The following C9orf85 variants were observed in gnomAD, a reference collection of about 807,000 sequenced individuals.
C9orf85 encodes the protein uncharacterized protein C9orf85.
In C9orf85, 16 loss-of-function variants were observed where a neutral mutation model predicts 14.9. The ratio of observed to expected loss-of-function variants is 1.08; its 90% CI spans 0.73 to 1.63. The LOEUF (loss-of-function observed/expected upper bound fraction) is 1.63. Ranked by LOEUF, C9orf85 falls within the 40% of genes most tolerant of loss-of-function variation. C9orf85 has a pLI of 0.00. For missense variants in C9orf85, 172 were observed against 186.1 expected (o/e 0.92, Z 0.44); for synonymous variants, 45 against 56.8 (o/e 0.79, Z 0.93).
chr9:71,958,196 G>C (rs1029109672), intron 2 of C9orf85, among the ~76,000 whole-genome samples: 5 of 149,046 alleles, frequency 3.4e-5, no homozygotes, highest in African/African-American at 1.2e-4. Context: ...CTGGCCTAAG[G>C]AGGTAATTGA....
At chr9:71,940,735 TAAGATA>T (rs1464673223) in intron 1 of C9orf85, among the ~76,000 whole-genome samples, 1 of 152,160 alleles carries the variant, frequency 6.6e-6, no homozygotes, top group African/African-American at 2.4e-5. Flanking sequence ...GTAATTAACC[TAAGATA>T]AATAATATGT....
intron 1 of C9orf85, among the ~76,000 whole-genome samples, chr9:71,918,043 C>T (rs775615729): frequency 1.3e-5 from 2 of 151,974 alleles, no homozygotes; most frequent in Non-Finnish European, 1.5e-5. Flanking sequence ...ATTAGCCAGG[C>T]GTGGTGGTGG....
chr9:71,921,278 T>C (rs1437232159), intron 1 of C9orf85, among the ~76,000 whole-genome samples: 1 of 152,222 alleles, frequency 6.6e-6, no homozygotes, highest in Non-Finnish European at 1.5e-5. Flanking sequence ...TTAAGGTCTT[T>C]TAAGAGACAT....
chr9:71,956,154 C>T (rs778382923), intron 2 of C9orf85, among the ~76,000 whole-genome samples: 27 of 151,088 alleles, frequency 1.8e-4, no homozygotes, highest in Non-Finnish European at 3.8e-4. Flanking sequence ...CATTATATGC[C>T]TTATTGTAGA....
chr9:71,963,425 C>T (rs1452800629), intron 2 of C9orf85, among the ~76,000 whole-genome samples: 1 of 152,138 alleles, frequency 6.6e-6, no homozygotes, highest in Non-Finnish European at 1.5e-5. Context: ...TCTGCCTGGG[C>T]TCCCACTTTG....
At chr9:71,984,229 C>T (rs969558313), downstream of C9orf85, 1 of 152,236 alleles carries the variant, frequency 6.6e-6, no homozygotes, top group Non-Finnish European at 1.5e-5. Flanking sequence ...CCATAGCAGA[C>T]AGTCCTTAAG....
chr9:71,983,672 A>G (rs1181696823), downstream of C9orf85: 1 of 152,180 alleles, frequency 6.6e-6, no homozygotes, highest in Admixed American at 6.5e-5. Flanking sequence ...TTTCTTATAG[A>G]TTTTTAGAAT....
At chr9:71,962,709 T>A (rs1478887692) in intron 2 of C9orf85, among the ~76,000 whole-genome samples, 2 of 152,214 alleles carry the variant, frequency 1.3e-5, no homozygotes, top group Non-Finnish European at 2.9e-5. Context: ...GAAATTTTAC[T>A]TCCTTCAAAC....
chr9:71,971,471 CAT>C, intron 2 of C9orf85, 32 bp from the exon 3 acceptor site: 3 of 1,257,260 alleles, frequency 2.4e-6, no homozygotes, highest in Non-Finnish European at 3.4e-6. Flanking sequence ...CTGAAATAAA[CAT>C]AAATAAGTTA....
At chr9:71,911,908 TGA>T (rs1042777743) in intron 1 of C9orf85, 72 bp downstream of exon 1, 16 of 1,389,788 alleles carry the variant, frequency 1.2e-5, no homozygotes, top group Non-Finnish European at 1.6e-5. Flanking sequence ...AGAGAGGAAA[TGA>T]GAGGAGTCGG....
intron 2 of C9orf85, among the ~76,000 whole-genome samples, chr9:71,951,536 C>T (rs1055306521): frequency 1.3e-5 from 2 of 152,172 alleles, no homozygotes; most frequent in Non-Finnish European, 2.9e-5. Flanking sequence ...AGGCCAGTAC[C>T]TACTACTCCC....
intron 1 of C9orf85, among the ~76,000 whole-genome samples, chr9:71,941,478 T>C (rs757653544): frequency 5.3e-5 from 8 of 152,180 alleles, no homozygotes; most frequent in Non-Finnish European, 7.4e-5. Context: ...ATATTTAAAC[T>C]GGATATAGTT....
At chr9:71,933,602 A>G (rs1828120971) in intron 1 of C9orf85, among the ~76,000 whole-genome samples, 1 of 152,188 alleles carries the variant, frequency 6.6e-6, no homozygotes, top group South Asian at 2.1e-4. Context: ...CTTTGGGGCC[A>G]TGTTACGTGT....
chr9:71,970,561 C>T (rs992732939), intron 2 of C9orf85, among the ~76,000 whole-genome samples: 5 of 152,078 alleles, frequency 3.3e-5, no homozygotes, highest in African/African-American at 4.8e-5. Context: ...GACCTATATA[C>T]GTCTATTCTT....
At chr9:71,968,877 A>G (rs921347867) in intron 2 of C9orf85, among the ~76,000 whole-genome samples, 5 of 152,144 alleles carry the variant, frequency 3.3e-5, no homozygotes, top group East Asian at 3.9e-4. Flanking sequence ...CCAACTGGCT[A>G]TTTTAAACAG....
At chr9:71,970,949 T>C (rs550687592) in intron 2 of C9orf85, among the ~76,000 whole-genome samples, 33 of 152,022 alleles carry the variant, frequency 2.2e-4, no homozygotes, top group Non-Finnish European at 4.6e-4. Flanking sequence ...GAGATGGGGT[T>C]TCACCATGTT....
chr9:71,920,445 CT>C (rs1289985449), intron 1 of C9orf85, among the ~76,000 whole-genome samples: 1 of 152,142 alleles, frequency 6.6e-6, no homozygotes, highest in East Asian at 1.9e-4. Flanking sequence ...ATTCATTAAT[CT>C]AAAAGAAAGT....
chr9:71,924,401 G>A (rs1589247530), intron 1 of C9orf85, among the ~76,000 whole-genome samples: 3 of 152,104 alleles, frequency 2.0e-5, no homozygotes, highest in East Asian at 1.9e-4. Flanking sequence ...TAACTAACTT[G>A]TATGACGCAT....
chr9:71,964,359 G>A (rs1401248424), intron 2 of C9orf85, among the ~76,000 whole-genome samples: 1 of 152,012 alleles, frequency 6.6e-6, no homozygotes, highest in Non-Finnish European at 1.5e-5. Flanking sequence ...CCACACTGTG[G>A]AAGCTTGGTT....
Sources: gnomAD v4.1 joint callset for allele counts (sites outside exome capture counted in the v4.1 genomes callset) on GRCh38, gnomAD v4.1.1 for gene constraint, MANE v1.5 for transcripts, NCBI Gene and HGNC (gene_info 2026-07-23, HGNC 2026-07-21) for gene names.